Variants in DGKB observed in about 807,000 individuals in gnomAD.
DGKB encodes diacylglycerol kinase beta, also known as 90 kDa diacylglycerol kinase.
DGKB carries 67 observed loss-of-function variants against 114.3 expected under a neutral mutation model. The ratio of observed to expected loss-of-function variants is 0.59; its 90% CI spans 0.48 to 0.72. The LOEUF (loss-of-function observed/expected upper bound fraction) is 0.72. Among genes scored for constraint, DGKB ranks in the 30% least tolerant of loss-of-function variants. The pLI is 0.00. For synonymous variants in DGKB, 398 were observed against 323.1 expected, an observed-to-expected ratio of 1.23 and a Z score of -2.49; for missense variants, 907 against 975.2, an observed-to-expected ratio of 0.93 and a Z score of 0.93.
In DGKB at chr7:14,481,559, GCAC is replaced by G. The variant is rs1429852427; in HGVS notation, c.1771-3337_1771-3335del. Among the ~76,000 whole-genome samples the G allele has an allele frequency of 2.0e-5, 3 of 151,892 alleles. No individual in the cohort carries two copies. The East Asian group carries it at 5.8e-4, about 29-fold the overall frequency. Reference sequence around the variant, plus strand: ...GTTCATTTTTGATGATTTGACCATTGCACCACATTAAATATCTTTTCAATTTTT... The same window carrying G: ...GTTCATTTTTGATGATTTGACCATTGCACATTAAATATCTTTTCAATTTTT... On this transcript the variant is annotated intron_variant, in intron 20 of 25. Transcript: ENST00000402815.
intron 1 of DGKB, among the ~76,000 whole-genome samples, chr7:14,930,609 A>G (rs1301283398): frequency 6.6e-6 from 1 of 152,084 alleles, no homozygotes; most frequent in Non-Finnish European, 1.5e-5. Context: ...TATTTGGTGG[A>G]GTGTTTAGGT....
intron 23 of DGKB, among the ~76,000 whole-genome samples, chr7:14,276,596 A>G (rs1799035470): frequency 6.6e-6 from 1 of 152,100 alleles, no homozygotes; most frequent in South Asian, 2.1e-4. Context: ...TGGAATATAT[A>G]TAGTAAATTA....
chr7:14,612,703 A>T (rs973317080), intron 16 of DGKB, among the ~76,000 whole-genome samples: 7 of 152,012 alleles, frequency 4.6e-5, no homozygotes, highest in African/African-American at 1.7e-4. Context: ...GGCAGGTATA[A>T]ATGCATTTTT....
chr7:14,271,779 ATTGG>A (rs1254352324), intron 23 of DGKB, among the ~76,000 whole-genome samples: 1 of 152,208 alleles, frequency 6.6e-6, no homozygotes, highest in Non-Finnish European at 1.5e-5. Context: ...CTCCCAATAA[ATTGG>A]TTTTACCAGT....
At chr7:14,506,024 T>C (rs949037703) in intron 20 of DGKB, among the ~76,000 whole-genome samples, 1 of 152,324 alleles carries the variant, frequency 6.6e-6, no homozygotes, top group African/African-American at 2.4e-5. Flanking sequence ...CATTCATTGT[T>C]AAATGTATAC....
intron 21 of DGKB, among the ~76,000 whole-genome samples, chr7:14,379,913 C>T (rs536456336): frequency 1.5e-5 from 1 of 68,208 alleles, no homozygotes; most frequent in African/African-American, 4.4e-5. Flanking sequence ...GGATTACAGG[C>T]GTGAGCGAGC....
At chr7:14,162,734 G>C (rs28463753) in intron 25 of DGKB, among the ~76,000 whole-genome samples, 1 of 152,212 alleles carries the variant, frequency 6.6e-6, no homozygotes, top group East Asian at 1.9e-4. Context: ...TGACAAAAAT[G>C]TAAGTTTAAT....
Position 14,683,246 on chromosome 7 carries a change from G to A in DGKB, c.830-405C>T, listed in dbSNP as rs35453256. Among the ~76,000 whole-genome samples, 1,138 of 152,208 alleles carry A rather than the reference G, an allele frequency of 7.5e-3. 5 individuals carry two copies. Among genetic ancestry groups the A allele is most frequent in the Non-Finnish European group, 9.6e-3 (653 of 68,002 alleles). On this transcript the variant is annotated intron_variant, in intron 10 of 25. Coordinates refer to ENST00000402815, the MANE Select transcript of DGKB (RefSeq NM_001350709.2). ...GCATGAGAGCAGCTGGCGGGTATGG[G>A]AATAAAAGCCCATGAGTTTATGTTA...
intron 1 of DGKB, among the ~76,000 whole-genome samples, chr7:14,859,665 AC>A (rs995145642): frequency 2.0e-5 from 3 of 152,076 alleles, no homozygotes; most frequent in Non-Finnish European, 4.4e-5. Flanking sequence ...TCTCTATCCA[AC>A]CCTCTGAAAG....
In DGKB at chr7:14,638,757, G is replaced by A. The variant is rs575681543; in HGVS notation, c.1135-8489C>T. Among the ~76,000 whole-genome samples the A allele has an allele frequency of 2.6e-5, 4 of 152,230 alleles. No homozygotes were observed. The East Asian group carries it at 7.7e-4, about 29-fold the overall frequency. ...TGAGAGGAAACTTAAAACATGAAGT[G>A]AGGGCCGGGTGCAGTGGCTCATGCC... is the stretch of plus-strand genomic sequence containing the variant. On this transcript the variant is annotated intron_variant, in intron 13 of 25. Transcript: ENST00000402815.
At chr7:14,452,251 T>C (rs977484785) in intron 21 of DGKB, among the ~76,000 whole-genome samples, 1 of 152,130 alleles carries the variant, frequency 6.6e-6, no homozygotes, top group African/African-American at 2.4e-5. Flanking sequence ...GCATATGTTA[T>C]TTTATTACTG....
At chr7:14,854,176 A>T (rs1328110157) in intron 1 of DGKB, among the ~76,000 whole-genome samples, 2 of 152,202 alleles carry the variant, frequency 1.3e-5, no homozygotes, top group East Asian at 3.9e-4. Flanking sequence ...TAATTTAGCC[A>T]TACACTCTGA....
intron 13 of DGKB, among the ~76,000 whole-genome samples, chr7:14,645,429 GAAAAACCC>G (rs1472168556): frequency 2.0e-5 from 3 of 151,938 alleles, no homozygotes; most frequent in Admixed American, 2.0e-4. Flanking sequence ...CAACAGGACA[GAAAAACCC>G]ACTGGGTGCC....
At chr7:14,935,976 G>T (rs1462730676) in intron 1 of DGKB, among the ~76,000 whole-genome samples, 1 of 152,156 alleles carries the variant, frequency 6.6e-6, no homozygotes, top group African/African-American at 2.4e-5. Flanking sequence ...ATAGAACTCA[G>T]TTTGGGAAAT....
intron 1 of DGKB, among the ~76,000 whole-genome samples, chr7:14,858,263 T>C (rs762843211): frequency 1.3e-5 from 2 of 152,192 alleles, no homozygotes; most frequent in Admixed American, 1.3e-4. Context: ...ATTTATGTTC[T>C]TGCCACAACC....
intron 1 of DGKB, among the ~76,000 whole-genome samples, chr7:14,933,373 A>C (rs1380572393): frequency 1.3e-5 from 2 of 152,080 alleles, no homozygotes; most frequent in African/African-American, 4.8e-5. Flanking sequence ...TCCTCTCTTA[A>C]ATCTGATGGG....
At chr7:14,193,022 T>A (rs1002738178) in intron 23 of DGKB, among the ~76,000 whole-genome samples, 16 of 151,992 alleles carry the variant, frequency 1.1e-4, no homozygotes, top group African/African-American at 3.4e-4. Context: ...GCTCAGGCGG[T>A]AATGCGAGTG....
intron 21 of DGKB, among the ~76,000 whole-genome samples, chr7:14,364,295 A>G (rs988815146): frequency 1.3e-5 from 2 of 152,026 alleles, no homozygotes; most frequent in Non-Finnish European, 2.9e-5. Flanking sequence ...AAGACTCACA[A>G]TAAAATTATT....
chr7:14,824,459 G>A (rs1051098173), intron 2 of DGKB, among the ~76,000 whole-genome samples: 3 of 152,092 alleles, frequency 2.0e-5, no homozygotes, highest in African/African-American at 7.2e-5. Context: ...CTAAGCAAAA[G>A]AGAGAGTGGG....
Sources: gnomAD v4.1 joint callset for allele counts (sites outside exome capture counted in the v4.1 genomes callset) on GRCh38, gnomAD v4.1.1 for gene constraint, MANE v1.5 for transcripts, NCBI Gene and HGNC (gene_info 2026-07-23, HGNC 2026-07-21) for gene names.